MARK1: variants seen among roughly 807,000 people sequenced by gnomAD.
MARK1 encodes the protein microtubule affinity regulating kinase 1, also known as serine/threonine-protein kinase MARK1.
MARK1 carries 40 observed loss-of-function variants against 96.3 expected under a neutral mutation model. The observed-to-expected ratio is 0.42, with a 90% CI of 0.32 to 0.54. MARK1 has a LOEUF of 0.54. Ranked by LOEUF, MARK1 falls within the 20% of genes least tolerant of loss-of-function variation. MARK1 has a pLI of 0.16. For missense variants in MARK1, 719 were observed against 984.6 expected (o/e 0.73, Z 3.61); for synonymous variants, 317 against 341.2 (o/e 0.93, Z 0.78).
intron 12 of MARK1, 76 bp from the exon 13 acceptor site, chr1:220,635,757 A>G (rs1667925112): frequency 7.8e-7 from 1 of 1,289,198 alleles, no homozygotes; most frequent in South Asian, 1.5e-5. Flanking sequence ...TAATTTTAAT[A>G]CAGAGTTTTT....
At chr1:220,545,439 G>GTTTTTTTTTTTTTTTTTTTTTTTTTT (rs35422682) in intron 1 of MARK1, among the ~76,000 whole-genome samples, 2 of 87,258 alleles carry the variant, frequency 2.3e-5, no homozygotes, top group Non-Finnish European at 2.1e-5. Flanking sequence ...CTTTCTCATG[G>GTTTTTTTTTTTTTTTTTTTTTTTTTT]TTTTTTTTTT....
intron 1 of MARK1, among the ~76,000 whole-genome samples, chr1:220,569,706 A>G (rs1180518586): frequency 3.3e-5 from 5 of 152,080 alleles, no homozygotes; most frequent in African/African-American, 4.8e-5. Context: ...AACATATCAC[A>G]TATGTTTGCA....
intron 9 of MARK1, chr1:220,626,031 C>A (rs573867658): frequency 7.1e-6 from 4 of 560,786 alleles, no homozygotes; most frequent in African/African-American, 5.6e-5. Flanking sequence ...TCAGCAAGGA[C>A]TGTCCAGTAT....
At chr1:220,530,523 A>G (rs1660248224) in intron 1 of MARK1, among the ~76,000 whole-genome samples, 1 of 152,190 alleles carries the variant, frequency 6.6e-6, no homozygotes, top group African/African-American at 2.4e-5. Context: ...GGAGGAGTGG[A>G]AAAATACATT....
intron 5 of MARK1, among the ~76,000 whole-genome samples, chr1:220,603,359 T>C (rs1480112678): frequency 6.6e-6 from 1 of 152,124 alleles, no homozygotes; most frequent in East Asian, 1.9e-4. Flanking sequence ...TAGTTCTTTT[T>C]AAATTATTTC....
chr1:220,569,320 C>T (rs986453576), intron 1 of MARK1, among the ~76,000 whole-genome samples: 1 of 151,998 alleles, frequency 6.6e-6, no homozygotes, highest in Non-Finnish European at 1.5e-5. Flanking sequence ...TATTTTCTGC[C>T]TCTTTACTTT....
intron 9 of MARK1, chr1:220,626,096 C>T: frequency 1.6e-6 from 1 of 610,870 alleles, no homozygotes; most frequent in Non-Finnish European, 3.1e-6. Flanking sequence ...CTGGCAAGTG[C>T]TGTGAAACTT....
At chr1:220,580,729 C>G (rs1572117775) in intron 2 of MARK1, among the ~76,000 whole-genome samples, 1 of 152,156 alleles carries the variant, frequency 6.6e-6, no homozygotes, top group Non-Finnish European at 1.5e-5. Flanking sequence ...TAACTTACTG[C>G]AAGTTCACAA....
At chr1:220,532,072 C>T (rs1660353190) in intron 1 of MARK1, among the ~76,000 whole-genome samples, 1 of 152,020 alleles carries the variant, frequency 6.6e-6, no homozygotes, top group African/African-American at 2.4e-5. Context: ...AATGCTCAGC[C>T]TAGCTTTCTG....
At chr1:220,586,172 T>C (rs961244402) in intron 3 of MARK1, among the ~76,000 whole-genome samples, 32 of 152,192 alleles carry the variant, frequency 2.1e-4, no homozygotes, top group African/African-American at 7.5e-4. Context: ...TAACATGGTA[T>C]AAAGGTCCTC....
intron 1 of MARK1, among the ~76,000 whole-genome samples, chr1:220,562,308 T>C (rs546187291): frequency 6.6e-6 from 1 of 151,822 alleles, no homozygotes; most frequent in East Asian, 1.9e-4. Flanking sequence ...ATACTAAAAA[T>C]ACAAAAAAAA....
intron 1 of MARK1, among the ~76,000 whole-genome samples, chr1:220,551,397 C>G (rs1423410795): frequency 6.6e-6 from 1 of 152,132 alleles, no homozygotes; most frequent in Admixed American, 6.6e-5. Flanking sequence ...TTCTGGGAAA[C>G]GGAGTTCCAG....
At chr1:220,536,877 G>A (rs148966886) in intron 1 of MARK1, among the ~76,000 whole-genome samples, 136 of 151,964 alleles carry the variant, frequency 8.9e-4, no homozygotes, top group African/African-American at 3.0e-3. Flanking sequence ...CACTGTGCCC[G>A]GCCCCAGTCC....
At position 220,606,068 on chromosome 1, in the gene MARK1, T is replaced by C. The variant is rs181166310; in HGVS notation, c.495+1931T>C. On this transcript the variant is annotated intron_variant, in intron 6 of 17. Coordinates refer to ENST00000366917, the MANE Select transcript of MARK1 (RefSeq NM_018650.5). ...CTGGGTCAAATGGTAGTTCTAGTTC[T>C]AGATCCTTGAGGAATTGCCACACTG... is the stretch of plus-strand genomic sequence containing the variant. 5.3e-5 allele frequency among the ~76,000 whole-genome samples: 8 copies of C among 152,318 alleles called. No individual in the cohort carries two copies. In the East Asian group the frequency reaches 1.4e-3, roughly 26 times the overall value.
At chr1:220,539,517 G>T (rs1660981210) in intron 1 of MARK1, among the ~76,000 whole-genome samples, 1 of 152,036 alleles carries the variant, frequency 6.6e-6, no homozygotes, top group African/African-American at 2.4e-5. Context: ...TTTATATACG[G>T]TCTTTTTTAT....
intron 1 of MARK1, among the ~76,000 whole-genome samples, chr1:220,572,315 C>T (rs1322479988): frequency 6.6e-6 from 1 of 152,148 alleles, no homozygotes; most frequent in Non-Finnish European, 1.5e-5. Context: ...GATCTCTGCT[C>T]ACCACAACCT....
At chr1:220,538,784 G>A (rs1052904340) in intron 1 of MARK1, among the ~76,000 whole-genome samples, 19 of 151,870 alleles carry the variant, frequency 1.3e-4, no homozygotes, top group East Asian at 5.8e-4. Context: ...GGTCCTTCAC[G>A]TCCCTTGTAA....
intron 6 of MARK1, among the ~76,000 whole-genome samples, chr1:220,615,586 C>G (rs982636057): frequency 6.6e-6 from 1 of 151,994 alleles, no homozygotes; most frequent in Non-Finnish European, 1.5e-5. Context: ...TCATGTGTGC[C>G]AAAGCTTTTA....
intron 7 of MARK1, 91 bp downstream of exon 7, chr1:220,616,086 T>C (rs1441541381): frequency 3.2e-6 from 2 of 627,514 alleles, no homozygotes; most frequent in East Asian, 3.1e-5. Flanking sequence ...TTTTATTGCC[T>C]AACTGTGCTG....
Sources: gnomAD v4.1 joint callset for allele counts (sites outside exome capture counted in the v4.1 genomes callset) on GRCh38, gnomAD v4.1.1 for gene constraint, MANE v1.5 for transcripts, NCBI Gene and HGNC (gene_info 2026-07-23, HGNC 2026-07-21) for gene names.